Variants in FRA10AC1 observed in about 807,000 individuals in gnomAD.
FRA10AC1 encodes the protein protein FRA10AC1.
Under a neutral mutation model 56.5 loss-of-function variants are expected in FRA10AC1, and 43 were observed. The observed-to-expected ratio is 0.76, with a 90% CI of 0.60 to 0.98. FRA10AC1 has a LOEUF of 0.98. FRA10AC1 is among the 50% of genes least tolerant of loss of function. FRA10AC1 has a pLI of 0.00. For synonymous variants in FRA10AC1, 112 were observed against 110.5 expected, an observed-to-expected ratio of 1.01 and a Z score of -0.09; for missense variants, 346 against 351.8, an observed-to-expected ratio of 0.98 and a Z score of 0.13.
chr10:93,700,623 C>T (rs1360616300), intron 1 of FRA10AC1, among the ~76,000 whole-genome samples: 2 of 152,130 alleles, frequency 1.3e-5, no homozygotes, highest in Non-Finnish European at 2.9e-5. Flanking sequence ...GATTCCTGCG[C>T]CCACAATTTC....
chr10:93,699,835 GAATT>G (rs771979722), intron 2 of FRA10AC1, among the ~76,000 whole-genome samples, 191 bp downstream of exon 2: 4 of 152,128 alleles, frequency 2.6e-5, no homozygotes, highest in Admixed American at 1.3e-4. Context: ...CCCCTTTGCA[GAATT>G]AATTTTTATT....
intron 11 of FRA10AC1, among the ~76,000 whole-genome samples, chr10:93,680,214 G>A (rs2058911236): frequency 6.6e-6 from 1 of 152,038 alleles, no homozygotes; most frequent in Non-Finnish European, 1.5e-5. Flanking sequence ...AATACAATGA[G>A]GGCAACAAAT....
chr10:93,702,348 A>C (rs1051446398), intron 1 of FRA10AC1, 27 bp downstream of exon 1: 2 of 154,194 alleles, frequency 1.3e-5, no homozygotes, highest in Non-Finnish European at 2.9e-5. Flanking sequence ...CCTGATGCCA[A>C]ATATACCCAC....
At chr10:93,683,123 C>T (rs193187932) in intron 10 of FRA10AC1, among the ~76,000 whole-genome samples, 2 of 152,292 alleles carry the variant, frequency 1.3e-5, no homozygotes, top group East Asian at 3.9e-4. Context: ...AAGCACTTTA[C>T]ATGCACTTTC....
chr10:93,676,791 A>G, intron 11 of FRA10AC1, 100 bp from the exon 12 acceptor site: 4 of 1,390,978 alleles, frequency 2.9e-6, no homozygotes, highest in Non-Finnish European at 3.8e-6. Flanking sequence ...GTTTGCTTAT[A>G]GTCTTACAGA....
Position 93,669,105 on chromosome 10 carries a change from TCTTA to T in FRA10AC1, c.*717_*720del, listed in dbSNP as rs1369080094. On this transcript the variant is annotated 3_prime_UTR_variant, in exon 14 of 14. Coordinates refer to ENST00000359204, the MANE Select transcript of FRA10AC1 (RefSeq NM_145246.5). ...AGTCAAATTTGATTATAACAAACTC[TCTTA>T]AGTGGTAGAGGTTAAGAAGGAAGCA... 5 of 151,932 alleles carry T rather than the reference TCTTA, an allele frequency of 3.3e-5. No individual in the cohort carries two copies. Among genetic ancestry groups the T allele is most frequent in the Non-Finnish European group, 5.9e-5 (4 of 68,010 alleles). 9.4% of individuals were successfully genotyped at this position (151,932 alleles called of 1,614,324 possible). A position where few individuals can be genotyped will look rare whatever the true frequency, so the allele number is the denominator to read the frequency against.
At chr10:93,685,210 G>T in intron 9 of FRA10AC1, 36 bp downstream of exon 9, 1 of 887,260 alleles carries the variant, frequency 1.1e-6, no homozygotes, top group Non-Finnish European at 1.8e-6. Flanking sequence ...GACAAACTTG[G>T]AAGAATCAAT....
intron 11 of FRA10AC1, among the ~76,000 whole-genome samples, chr10:93,676,917 C>A: frequency 1.3e-5 from 2 of 151,806 alleles, no homozygotes; most frequent in African/African-American, 4.8e-5. Context: ...TCTGTAATAG[C>A]CAGCACAAAA....
At chr10:93,670,225 G>A (rs1409575429) in intron 13 of FRA10AC1, among the ~76,000 whole-genome samples, 1 of 152,024 alleles carries the variant, frequency 6.6e-6, no homozygotes, top group Non-Finnish European at 1.5e-5. Flanking sequence ...TGCTCAAGAA[G>A]TGAATAAAAA....
intron 12 of FRA10AC1, chr10:93,674,509 C>G (rs550466520): frequency 6.6e-6 from 1 of 152,112 alleles, no homozygotes. Context: ...AAATAGCGTA[C>G]CGGCTGCCAA....
rs369974781 is a variant in FRA10AC1, at chr10:93,676,703, A to G, written c.788-12T>C. 1.7e-5 allele frequency: 26 copies of G among 1,567,094 alleles called. No homozygotes were observed. The highest frequency in any genetic ancestry group is 2.0e-5 in the Non-Finnish European group (23 of 1,160,858). ...TGAAGATGAATGTCCTGAAAAGGAA[A>G]CATCATTGATTTATTAACTATCATC... On this transcript the variant is annotated splice_polypyrimidine_tract_variant and intron_variant, in intron 11 of 13. Coordinates refer to ENST00000359204, the MANE Select transcript of FRA10AC1 (RefSeq NM_145246.5).
intron 11 of FRA10AC1, among the ~76,000 whole-genome samples, chr10:93,679,299 A>T (rs1017559052): frequency 6.6e-6 from 1 of 152,184 alleles, no homozygotes; most frequent in African/African-American, 2.4e-5. Context: ...GGTGCTGGGG[A>T]TATAGCAATG....
At chr10:93,680,712 T>C (rs1444745283) in intron 11 of FRA10AC1, among the ~76,000 whole-genome samples, 3 of 152,232 alleles carry the variant, frequency 2.0e-5, no homozygotes, top group Admixed American at 6.5e-5. Context: ...GACTCTACTT[T>C]ATTATGGGCT....
chr10:93,693,547 T>TATATATAC (rs796297929), intron 5 of FRA10AC1, among the ~76,000 whole-genome samples: 1 of 125,698 alleles, frequency 8.0e-6, no homozygotes, highest in Non-Finnish European at 1.6e-5. Flanking sequence ...TATATATATA[T>TATATATAC]ACACACATAC....
At chr10:93,686,455 T>C (rs1157064559) in intron 8 of FRA10AC1, among the ~76,000 whole-genome samples, 4 of 151,822 alleles carry the variant, frequency 2.6e-5, no homozygotes, top group Admixed American at 6.6e-5. Context: ...CACCTGAAAA[T>C]CTCATTCAAT....
intron 2 of FRA10AC1, among the ~76,000 whole-genome samples, chr10:93,698,849 C>G (rs1260912910): frequency 6.6e-6 from 1 of 152,220 alleles, no homozygotes; most frequent in Non-Finnish European, 1.5e-5. Context: ...TCATGTGGCC[C>G]AGGATGGCTT....
chr10:93,686,632 C>G (rs1388030227), intron 8 of FRA10AC1, among the ~76,000 whole-genome samples: 2 of 141,248 alleles, frequency 1.4e-5, no homozygotes, highest in Non-Finnish European at 3.1e-5. Context: ...ACATAGCCAA[C>G]TTATGGAAGA....
chr10:93,684,245 C>CA (rs1203036567), intron 9 of FRA10AC1, 147 bp from the exon 10 acceptor site: 1 of 603,578 alleles, frequency 1.7e-6, no homozygotes, highest in African/African-American at 1.8e-5. Context: ...TGACCTTCAT[C>CA]ACCTCAAAAA....
At chr10:93,682,273 T>C (rs2058948186) in intron 10 of FRA10AC1, among the ~76,000 whole-genome samples, 1 of 152,172 alleles carries the variant, frequency 6.6e-6, no homozygotes. Flanking sequence ...GCAAGGAGAA[T>C]AGAGACAAAG....
Sources: gnomAD v4.1 joint callset for allele counts (sites outside exome capture counted in the v4.1 genomes callset) on GRCh38, gnomAD v4.1.1 for gene constraint, MANE v1.5 for transcripts, NCBI Gene and HGNC (gene_info 2026-07-23, HGNC 2026-07-21) for gene names.